Variants in ADHFE1 observed in about 807,000 individuals in gnomAD.
ADHFE1 encodes the protein hydroxyacid-oxoacid transhydrogenase, mitochondrial.
Under a neutral mutation model 54.8 loss-of-function variants are expected in ADHFE1, and 37 were observed. The observed-to-expected ratio is 0.68, with a 90% CI of 0.52 to 0.89. ADHFE1 has a LOEUF of 0.89. Among genes scored for constraint, ADHFE1 ranks in the 40% least tolerant of loss-of-function variants. ADHFE1 has a pLI of 0.00. For missense variants in ADHFE1, 601 were observed against 591.2 expected (o/e 1.02, Z -0.17); for synonymous variants, 203 against 229.3 (o/e 0.89, Z 1.04).
intron 2 of ADHFE1, among the ~76,000 whole-genome samples, chr8:66,441,185 GT>G (rs1805726129): frequency 6.6e-6 from 1 of 152,160 alleles, no homozygotes; most frequent in Non-Finnish European, 1.5e-5. Flanking sequence ...TATTCTCATT[GT>G]TTTCCAGGAT....
At chr8:66,463,842 C>T (rs1194692454) in intron 13 of ADHFE1, among the ~76,000 whole-genome samples, 2 of 152,198 alleles carry the variant, frequency 1.3e-5, no homozygotes, top group South Asian at 2.1e-4. Context: ...CTGGAAGAAA[C>T]AACCAGGCCA....
At chr8:66,443,678 C>A (rs1805883402) in intron 3 of ADHFE1, among the ~76,000 whole-genome samples, 1 of 152,120 alleles carries the variant, frequency 6.6e-6, no homozygotes, top group Admixed American at 6.5e-5. Context: ...GCACAGGCCC[C>A]ATCTAAGGTG....
At chr8:66,456,168 CA>C (rs1165343152) in intron 10 of ADHFE1, among the ~76,000 whole-genome samples, 1 of 151,628 alleles carries the variant, frequency 6.6e-6, no homozygotes, top group East Asian at 1.9e-4. Flanking sequence ...TCAGTAAAAA[CA>C]AAAACCATAA....
chr8:66,446,109 C>G (rs1183752621), intron 6 of ADHFE1, among the ~76,000 whole-genome samples: 1 of 152,206 alleles, frequency 6.6e-6, no homozygotes, highest in African/African-American at 2.4e-5. Flanking sequence ...TTTCTTCTCC[C>G]CTCTCCTGCC....
At chr8:66,443,574 G>A (rs1805877773) in intron 3 of ADHFE1, among the ~76,000 whole-genome samples, 1 of 152,126 alleles carries the variant, frequency 6.6e-6, no homozygotes, top group Non-Finnish European at 1.5e-5. Flanking sequence ...CACCGCGCCT[G>A]CCTTCAGGAA....
chr8:66,460,188 G>C, intron 12 of ADHFE1, 120 bp from the exon 13 acceptor site: 2 of 1,304,050 alleles, frequency 1.5e-6, no homozygotes, highest in Non-Finnish European at 2.1e-6. Context: ...CGATGGCCCC[G>C]TGCTGGGCGT....
chr8:66,442,317 T>C (rs1196956411), intron 2 of ADHFE1, among the ~76,000 whole-genome samples: 1 of 151,132 alleles, frequency 6.6e-6, no homozygotes, highest in African/African-American at 2.4e-5. Context: ...ATCTTTTTTT[T>C]TTTTTTTTTT....
chr8:66,453,733 G>T, intron 9 of ADHFE1: 1 of 1,377,404 alleles, frequency 7.3e-7, no homozygotes, highest in Non-Finnish European at 9.7e-7. Context: ...ACTGACAAAT[G>T]AAGAAGAAGA....
chr8:66,468,294 G>A lies in ADHFE1; in HGVS notation c.1346G>A (p.Cys449Tyr), dbSNP rs377489149. 5.0e-6 allele frequency: 8 copies of A among 1,612,940 alleles called. No homozygotes were observed. Among genetic ancestry groups the A allele is most frequent in the African/African-American group, 4.0e-5 (3 of 74,806 alleles). The stretch of plus-strand genomic sequence containing the variant: ...GAAAGGGTCACCAAGCTTGCACCCT[G>A]TCCCCAGTCAGAAGAGGATCTGGCT... ...PQERVTKLAPCPQSEEDLAAL... is the reference protein window; with the variant it reads ...PQERVTKLAPYPQSEEDLAAL... Residue 449 changes from cysteine (C) to tyrosine (Y), a missense_variant, in exon 14 of 14, where the codon TGT becomes TAT. Cys to Tyr is a radical substitution (Grantham distance 194, BLOSUM62 -2). Coordinates refer to ENST00000396623, the MANE Select transcript of ADHFE1 (RefSeq NM_144650.3).
chr8:66,436,717 C>T (rs1018913819), intron 1 of ADHFE1, among the ~76,000 whole-genome samples: 2 of 152,100 alleles, frequency 1.3e-5, no homozygotes, highest in African/African-American at 2.4e-5. Context: ...TATTTGAGAC[C>T]ATGAGACCAG....
At chr8:66,454,198 GC>G (rs1294615539) in intron 10 of ADHFE1, 41 bp downstream of exon 10, 1 of 1,595,752 alleles carries the variant, frequency 6.3e-7, no homozygotes, top group Non-Finnish European at 8.5e-7. Context: ...TCAAGCTATT[GC>G]TTTAAAAAAT....
At chr8:66,446,453 C>A (rs1008806368) in intron 6 of ADHFE1, among the ~76,000 whole-genome samples, 1 of 152,188 alleles carries the variant, frequency 6.6e-6, no homozygotes, top group African/African-American at 2.4e-5. Context: ...TAAGCTCTGG[C>A]CCCCAAGGAG....
intron 13 of ADHFE1, among the ~76,000 whole-genome samples, chr8:66,462,423 T>A (rs999466396): frequency 7.9e-5 from 12 of 152,192 alleles, no homozygotes; most frequent in Non-Finnish European, 1.6e-4. Flanking sequence ...CTAATTTTTT[T>A]AACTTTTTTG....
intron 7 of ADHFE1, among the ~76,000 whole-genome samples, chr8:66,447,815 C>T (rs967621686): frequency 6.6e-6 from 1 of 152,164 alleles, no homozygotes; most frequent in Non-Finnish European, 1.5e-5. Context: ...TCTTAATTGG[C>T]CATTCTCTGC....
intron 13 of ADHFE1, among the ~76,000 whole-genome samples, chr8:66,467,708 A>G (rs958984359): frequency 6.6e-6 from 1 of 152,164 alleles, no homozygotes; most frequent in Non-Finnish European, 1.5e-5. Flanking sequence ...GATGTGCTGG[A>G]TGTCTTCGCT....
intron 13 of ADHFE1, among the ~76,000 whole-genome samples, chr8:66,466,506 A>AT (rs1457496844): frequency 2.0e-5 from 3 of 151,338 alleles, no homozygotes; most frequent in East Asian, 3.9e-4. Context: ...TTTTGAGCGA[A>AT]TTTTTTTAAT....
At chr8:66,456,217 T>G (rs1251358907) in intron 10 of ADHFE1, among the ~76,000 whole-genome samples, 1 of 152,162 alleles carries the variant, frequency 6.6e-6, no homozygotes, top group Non-Finnish European at 1.5e-5. Flanking sequence ...AAACAAATCC[T>G]TAAGGTAGAA....
Position 66,445,145 on chromosome 8 carries a change from A to G in ADHFE1, c.354-73A>G. 1.8e-5 allele frequency: 25 copies of G among 1,395,464 alleles called. No individual in the cohort carries two copies. The South Asian group carries it at 2.1e-4, about 12-fold the overall frequency. The allele number at this position is 1,395,464 out of a possible 1,614,324, so 86.4% of individuals were successfully genotyped here. On this transcript the variant is annotated intron_variant, in intron 5 of 13. Transcript: ENST00000396623. The stretch of plus-strand genomic sequence containing the variant: ...AAAAAACCCCACAAAACTTACCCCA[A>G]GCCTTAGTTAATGGCATGGCAATTT...
intron 2 of ADHFE1, 94 bp from the exon 3 acceptor site, chr8:66,442,704 G>A: frequency 8.9e-7 from 1 of 1,118,492 alleles, no homozygotes; most frequent in East Asian, 2.4e-5. Context: ...AGACTTCAAA[G>A]GAAATACTTA....
Sources: gnomAD v4.1 joint callset for allele counts (sites outside exome capture counted in the v4.1 genomes callset) on GRCh38, gnomAD v4.1.1 for gene constraint, MANE v1.5 for transcripts, NCBI Gene and HGNC (gene_info 2026-07-23, HGNC 2026-07-21) for gene names.